The following ROBO2 variants were observed in gnomAD, a reference collection of about 807,000 sequenced individuals.
The protein encoded by ROBO2 is roundabout homolog 2.
In ROBO2, 53 loss-of-function variants were observed where a neutral mutation model predicts 160.8. The observed-to-expected ratio is 0.33, with a 90% CI of 0.26 to 0.41. ROBO2 has a LOEUF of 0.41. ROBO2 is among the 10% of genes least tolerant of loss of function. The probability of loss-of-function intolerance (pLI) is 1.00; values close to 1 mark genes in which losing one functional copy is unlikely to be tolerated. For missense variants in ROBO2, 1,577 were observed against 1,722.4 expected, an observed-to-expected ratio of 0.92 and a Z score of 1.49; for synonymous variants, 664 against 611.7, an observed-to-expected ratio of 1.09 and a Z score of -1.26.
intron 2 of ROBO2, among the ~76,000 whole-genome samples, chr3:76,679,321 TTTATC>T (rs2092495910): frequency 6.6e-6 from 1 of 152,122 alleles, no homozygotes; most frequent in African/African-American, 2.4e-5. Context: ...AGACATTTAT[TTTATC>T]TTATAAGATC....
At chr3:76,483,461 A>G (rs1327901470) in intron 2 of ROBO2, among the ~76,000 whole-genome samples, 2 of 152,112 alleles carry the variant, frequency 1.3e-5, no homozygotes, top group African/African-American at 4.8e-5. Flanking sequence ...ATGATTATTA[A>G]TAAGGATCCA....
rs140257688 is a variant in ROBO2, at chr3:76,095,142, A to G, written c.109+157540A>G. ...TGAGTATGAGACTAAGATGCAAAAG[A>G]CACAGTGAGAATGAGAAGATAATAT... On this transcript the variant is annotated intron_variant, in intron 2 of 26. Transcript: ENST00000487694. Among the ~76,000 whole-genome samples the G allele has an allele frequency of 3.8e-3, 586 of 152,252 alleles. 4 individuals carry two copies. Among genetic ancestry groups the G allele is most frequent in the African/African-American group, 0.014 (563 of 41,570 alleles).
intron 2 of ROBO2, among the ~76,000 whole-genome samples, chr3:76,757,623 A>G (rs887639509): frequency 1.3e-5 from 2 of 151,704 alleles, no homozygotes; most frequent in Admixed American, 1.3e-4. Flanking sequence ...TTTTAAGTCT[A>G]TGTTGTTTCA....
At chr3:76,132,393 T>C (rs1337762734) in intron 2 of ROBO2, among the ~76,000 whole-genome samples, 2 of 2,822 alleles carry the variant, frequency 7.1e-4, no homozygotes, top group African/African-American at 1.1e-3. Flanking sequence ...TTCCAGACTG[T>C]TGGGGGGGGG....
intron 6 of ROBO2, among the ~76,000 whole-genome samples, chr3:77,542,870 TA>T: frequency 1.7e-5 from 2 of 115,194 alleles, no homozygotes; most frequent in South Asian, 6.2e-4. Flanking sequence ...AATCTGATTA[TA>T]TCTTTCTTAC....
chr3:76,555,323 AAAG>A (rs1194270273), intron 2 of ROBO2, among the ~76,000 whole-genome samples: 1 of 135,696 alleles, frequency 7.4e-6, no homozygotes, highest in Non-Finnish European at 1.6e-5. Context: ...GCATGTCAAA[AAAG>A]AAGAAGAGGA....
At chr3:77,058,286 A>C (rs1230176412) in intron 1 of ROBO2, among the ~76,000 whole-genome samples, 2 of 152,194 alleles carry the variant, frequency 1.3e-5, no homozygotes, top group African/African-American at 2.4e-5. Context: ...AGTATAATAC[A>C]CTAATGTTTA....
At chr3:76,784,329 T>C (rs72894273) in intron 2 of ROBO2, among the ~76,000 whole-genome samples, 1,552 of 151,248 alleles carry the variant, frequency 0.01, 22 homozygotes, top group African/African-American at 0.035. Context: ...CCCATGAGTA[T>C]ATCTGCTCCA....
chr3:76,530,273 C>G (rs1017431665), intron 2 of ROBO2, among the ~76,000 whole-genome samples: 1 of 152,136 alleles, frequency 6.6e-6, no homozygotes, highest in Non-Finnish European at 1.5e-5. Flanking sequence ...GGAAAAGGAA[C>G]AGAAGCCACA....
intron 2 of ROBO2, among the ~76,000 whole-genome samples, chr3:77,445,709 A>T (rs1304311512): frequency 6.6e-6 from 1 of 152,014 alleles, no homozygotes; most frequent in Non-Finnish European, 1.5e-5. Context: ...TTTCCTGATA[A>T]AAATATGCAT....
chr3:76,235,592 A>T (rs1704892930), intron 2 of ROBO2, among the ~76,000 whole-genome samples: 1 of 152,150 alleles, frequency 6.6e-6, no homozygotes, highest in Non-Finnish European at 1.5e-5. Context: ...AGAAACCATT[A>T]AAAAAAGTCA....
intron 2 of ROBO2, among the ~76,000 whole-genome samples, chr3:76,067,426 C>G (rs1244240352): frequency 1.3e-5 from 2 of 151,804 alleles, no homozygotes; most frequent in African/African-American, 2.4e-5. Context: ...CAAATTTAGT[C>G]AAATAGTTTA....
Position 75,989,119 on chromosome 3 carries a change from TTTTG to T in ROBO2, c.109+51529_109+51532del, listed in dbSNP as rs201590381. 7.1e-3 allele frequency among the ~76,000 whole-genome samples: 1,073 copies of T among 152,124 alleles called. 16 individuals are homozygous for T. Among genetic ancestry groups the T allele is most frequent in the African/African-American group, 0.024 (1,006 of 41,496 alleles). Reference sequence around the variant, plus strand: ...TTAAATATTTATTTTGTTGTTGTTGTTTTGTTTGTTTGTTTTTGAGATGGAGTCT... The same window carrying T: ...TTAAATATTTATTTTGTTGTTGTTGTTTTGTTTGTTTTTGAGATGGAGTCT... On this transcript the variant is annotated intron_variant, in intron 2 of 26. Coordinates refer to the ROBO2 transcript ENST00000487694.
intron 2 of ROBO2, among the ~76,000 whole-genome samples, chr3:77,311,427 T>C (rs1311730809): frequency 6.6e-6 from 1 of 152,258 alleles, no homozygotes; most frequent in African/African-American, 2.4e-5. Flanking sequence ...TATATGTGGC[T>C]ATGTAATTGG....
chr3:77,050,369 C>T (rs1484814322), intron 1 of ROBO2, among the ~76,000 whole-genome samples: 2 of 152,030 alleles, frequency 1.3e-5, no homozygotes, highest in Non-Finnish European at 2.9e-5. Context: ...CAACAACAAG[C>T]TATTACTCAA....
rs1210844758 is a variant in ROBO2 at position 77,186,132 on chromosome 3, C to T, written c.388+87792C>T. Among the ~76,000 whole-genome samples the T allele has an allele frequency of 2.0e-5, 3 of 151,944 alleles. No individual in the cohort carries two copies. In the East Asian group the frequency reaches 5.8e-4, roughly 29 times the overall value. The stretch of plus-strand genomic sequence containing the variant: ...AAATCTCACCATCACCGTGAAATAA[C>T]TTGCTCATGTAACCGAACACCATCT... On this transcript the variant is annotated intron_variant, in intron 2 of 25. Coordinates refer to ENST00000461745, the Ensembl canonical transcript of ROBO2.
intron 2 of ROBO2, among the ~76,000 whole-genome samples, chr3:76,243,372 G>T (rs1370271205): frequency 6.6e-6 from 1 of 152,206 alleles, no homozygotes; most frequent in South Asian, 2.1e-4. Flanking sequence ...ACGCAGGGGA[G>T]GGGGCAGTAA....
At chr3:76,129,788 T>C (rs760655576) in intron 2 of ROBO2, among the ~76,000 whole-genome samples, 3 of 152,020 alleles carry the variant, frequency 2.0e-5, no homozygotes, top group Non-Finnish European at 4.4e-5. Context: ...TCTAGAATAT[T>C]GATTCACTTC....
At chr3:76,433,257 T>C (rs112612804) in intron 2 of ROBO2, among the ~76,000 whole-genome samples, 5 of 152,202 alleles carry the variant, frequency 3.3e-5, no homozygotes, top group Non-Finnish European at 7.3e-5. Flanking sequence ...TAAAATGTTA[T>C]CACTAAATAA....
Sources: gnomAD v4.1 joint callset for allele counts (sites outside exome capture counted in the v4.1 genomes callset) on GRCh38, gnomAD v4.1.1 for gene constraint, MANE v1.5 for transcripts, NCBI Gene and HGNC (gene_info 2026-07-23, HGNC 2026-07-21) for gene names.